The following DOCK2 variants were observed in gnomAD, a reference collection of about 807,000 sequenced individuals.
The protein encoded by DOCK2 is dedicator of cytokinesis protein 2.
A neutral mutation model predicts 248.9 loss-of-function variants in DOCK2; 87 were observed. That is an observed-to-expected ratio of 0.35 (90% CI 0.29 to 0.42). The LOEUF is 0.42. Among genes scored for constraint, DOCK2 ranks in the 10% least tolerant of loss-of-function variants. The probability of loss-of-function intolerance (pLI) is 1.00; values close to 1 mark genes in which losing one functional copy is unlikely to be tolerated. For missense variants in DOCK2, 1,747 were observed against 2,300.2 expected, an observed-to-expected ratio of 0.76 and a Z score of 4.92; for synonymous variants, 805 against 821.6, an observed-to-expected ratio of 0.98 and a Z score of 0.35.
chr5:169,916,003 A>T (rs1172780799), intron 27 of DOCK2, among the ~76,000 whole-genome samples: 1 of 152,204 alleles, frequency 6.6e-6, no homozygotes, highest in Non-Finnish European at 1.5e-5. Flanking sequence ...GAAATATTAC[A>T]AATGTTCTCA....
intron 1 of DOCK2, 108 bp from the exon 2 acceptor site, chr5:169,654,295 G>C: frequency 8.1e-7 from 1 of 1,231,790 alleles, no homozygotes; most frequent in Non-Finnish European, 1.2e-6. Context: ...GTTTAGCCCA[G>C]GTGGGCTGCG....
intron 22 of DOCK2, among the ~76,000 whole-genome samples, chr5:169,735,790 T>A (rs1379666693): frequency 3.3e-5 from 5 of 152,186 alleles, no homozygotes; most frequent in Non-Finnish European, 7.3e-5. Context: ...AAGAACTACC[T>A]GAGCCTGGGT....
At chr5:169,870,409 T>A (rs536572726) in intron 27 of DOCK2, among the ~76,000 whole-genome samples, 2 of 152,210 alleles carry the variant, frequency 1.3e-5, no homozygotes, top group East Asian at 3.9e-4. Flanking sequence ...GATAAGCTCA[T>A]GAGCAAACAA....
At chr5:169,795,526 A>G (rs113684910) in intron 25 of DOCK2, among the ~76,000 whole-genome samples, 31 of 152,242 alleles carry the variant, frequency 2.0e-4, no homozygotes, top group African/African-American at 6.7e-4. Context: ...GTTGGGGGAA[A>G]ATGCTAGTGA....
intron 26 of DOCK2, among the ~76,000 whole-genome samples, chr5:169,823,752 T>C (rs1226663442): frequency 2.0e-5 from 3 of 152,186 alleles, no homozygotes; most frequent in Non-Finnish European, 4.4e-5. Context: ...TTCAACATAG[T>C]GTTGGAATTT....
intron 25 of DOCK2, among the ~76,000 whole-genome samples, chr5:169,766,497 C>T (rs1581160413): frequency 1.3e-5 from 2 of 152,280 alleles, no homozygotes; most frequent in East Asian, 1.9e-4. Flanking sequence ...GTTGATTCCA[C>T]GTCTTTGCTA....
intron 30 of DOCK2, among the ~76,000 whole-genome samples, chr5:170,006,332 A>C (rs537066354): frequency 2.5e-4 from 38 of 152,208 alleles, no homozygotes; most frequent in African/African-American, 8.9e-4. Flanking sequence ...TTTTGTTTTG[A>C]GATGGAGTCT....
intron 2 of DOCK2, among the ~76,000 whole-genome samples, chr5:169,659,752 G>A (rs75128229): frequency 0.05 from 7,654 of 152,100 alleles, 222 homozygotes; most frequent in South Asian, 0.1. Context: ...ATCCAGAGGC[G>A]GCATAAACAT....
chr5:169,877,921 G>C (rs11740057), intron 27 of DOCK2, among the ~76,000 whole-genome samples: 57,886 of 151,850 alleles, frequency 0.38, 11,902 homozygotes, highest in Non-Finnish European at 0.46. Context: ...TCCAATTCCT[G>C]AACAGCATGC....
chr5:169,687,158 G>A (rs969850618), intron 8 of DOCK2, among the ~76,000 whole-genome samples: 15 of 152,050 alleles, frequency 9.9e-5, no homozygotes, highest in Admixed American at 4.6e-4. Flanking sequence ...ATGATGGAAG[G>A]TACTGGAATA....
At chr5:169,707,797 G>A (rs1761358706) in intron 14 of DOCK2, among the ~76,000 whole-genome samples, 1 of 152,212 alleles carries the variant, frequency 6.6e-6, no homozygotes, top group South Asian at 2.1e-4. Context: ...ATCTGAGCCT[G>A]TTAGTAAACT....
chr5:169,828,727 C>T (rs975838710), intron 26 of DOCK2, among the ~76,000 whole-genome samples: 9 of 152,178 alleles, frequency 5.9e-5, no homozygotes, highest in African/African-American at 1.2e-4. Context: ...TGCCCAGAAG[C>T]GTCCAGATCC....
chr5:169,877,634 G>A (rs1483816704), intron 27 of DOCK2, among the ~76,000 whole-genome samples: 2 of 152,100 alleles, frequency 1.3e-5, no homozygotes, highest in Non-Finnish European at 2.9e-5. Context: ...GGAAATGTCT[G>A]CATGTAGTTG....
chr5:169,967,370 C>T (rs550368572), intron 27 of DOCK2, among the ~76,000 whole-genome samples: 9 of 152,334 alleles, frequency 5.9e-5, no homozygotes, highest in African/African-American at 1.7e-4. Context: ...AGATGCTGAA[C>T]AATGCTTCTG....
At chr5:169,945,130 C>T (rs1490772780) in intron 27 of DOCK2, among the ~76,000 whole-genome samples, 2 of 152,114 alleles carry the variant, frequency 1.3e-5, no homozygotes, top group Non-Finnish European at 2.9e-5. Context: ...TTCTCTTGGC[C>T]CCAGAAGAAT....
At chr5:169,894,538 G>A (rs568688018) in intron 27 of DOCK2, among the ~76,000 whole-genome samples, 1 of 152,156 alleles carries the variant, frequency 6.6e-6, no homozygotes, top group Admixed American at 6.5e-5. Flanking sequence ...TGCCTACACT[G>A]AAGAATTTTC....
intron 29 of DOCK2, among the ~76,000 whole-genome samples, chr5:169,994,002 C>T (rs374364882): frequency 6.6e-6 from 1 of 152,108 alleles, no homozygotes; most frequent in East Asian, 1.9e-4. Context: ...AAATTGTTTC[C>T]TTTTTTCCCC....
intron 26 of DOCK2, among the ~76,000 whole-genome samples, chr5:169,807,363 G>GC (rs1561716276): frequency 1.3e-5 from 2 of 152,142 alleles, no homozygotes. Context: ...TATTTTTCTA[G>GC]CAAGTTCCCA....
intron 27 of DOCK2, among the ~76,000 whole-genome samples, chr5:169,851,890 G>C (rs1770633393): frequency 1.3e-5 from 2 of 152,160 alleles, no homozygotes; most frequent in African/African-American, 2.4e-5. Context: ...CCTCCCACCA[G>C]GTCCCTCCCT....
Sources: allele counts gnomAD v4.1 joint callset (sites outside exome capture counted in the v4.1 genomes callset), GRCh38; gene constraint gnomAD v4.1.1; transcripts MANE v1.5; gene names NCBI Gene and HGNC (gene_info 2026-07-23, HGNC 2026-07-21).